Variants in TIMM9 observed in about 807,000 individuals in gnomAD.
TIMM9 encodes the protein translocase of inner mitochondrial membrane 9.
TIMM9 carries 10 observed loss-of-function variants against 13.4 expected under a neutral mutation model. The ratio of observed to expected loss-of-function variants is 0.75; its 90% CI spans 0.46 to 1.26. The LOEUF (loss-of-function observed/expected upper bound fraction) is 1.26. TIMM9 is among the 50% of genes most tolerant of loss of function. The pLI is 0.00. For synonymous variants in TIMM9, 32 were observed against 32.1 expected (o/e 1.00, Z 0.01); for missense variants, 87 against 100.8 (o/e 0.86, Z 0.58).
intron 3 of TIMM9, among the ~76,000 whole-genome samples, chr14:58,421,047 C>T (rs2036576347): frequency 6.6e-6 from 1 of 152,120 alleles, no homozygotes; most frequent in Non-Finnish European, 1.5e-5. Context: ...TTTGTGTTCA[C>T]AGGAAATCCT....
intron 5 of TIMM9, among the ~76,000 whole-genome samples, chr14:58,409,461 C>T (rs932816266): frequency 1.3e-5 from 2 of 152,168 alleles, no homozygotes; most frequent in Admixed American, 1.3e-4. Flanking sequence ...AGTGAAAGCC[C>T]ACATTCCTGT....
intron 3 of TIMM9, among the ~76,000 whole-genome samples, chr14:58,416,227 C>CAAAT (rs541538164): frequency 9.9e-5 from 15 of 151,070 alleles, no homozygotes; most frequent in Admixed American, 4.0e-4. Context: ...GACTCTGTAG[C>CAAAT]AAATAAATAA....
At chr14:58,426,232 GTCTTGA>G (rs2036785058) in intron 2 of TIMM9, among the ~76,000 whole-genome samples, 1 of 150,224 alleles carries the variant, frequency 6.7e-6, no homozygotes, top group African/African-American at 2.4e-5. Context: ...TTTTAAGACA[GTCTTGA>G]TCTGTCACTC....
chr14:58,417,077 A>G (rs955255742), intron 3 of TIMM9, among the ~76,000 whole-genome samples: 1 of 152,156 alleles, frequency 6.6e-6, no homozygotes, highest in Non-Finnish European at 1.5e-5. Context: ...GGTTTTATCA[A>G]GAGGAGATCC....
chr14:58,427,290 G>A, intron 1 of TIMM9, 48 bp from the exon 2 acceptor site: 1 of 280,842 alleles, frequency 3.6e-6, no homozygotes, highest in Non-Finnish European at 6.9e-6. Context: ...ATCTCCTAAG[G>A]ATTAACTTCG....
At chr14:58,410,971 G>T in intron 4 of TIMM9, 33 bp from the exon 5 acceptor site, 7 of 1,514,490 alleles carry the variant, frequency 4.6e-6, no homozygotes, top group South Asian at 1.2e-5. Flanking sequence ...TTTAGTATTT[G>T]GTTTTTAAAA....
Position 58,408,996 on chromosome 14 carries a change from G to A in TIMM9, c.*38C>T, listed in dbSNP as rs763526438. On this transcript the variant is annotated 3_prime_UTR_variant, in exon 6 of 6. Coordinates refer to ENST00000395159, the MANE Select transcript of TIMM9 (RefSeq NM_012460.4). ...CCTCATTTCCAATAAAGCAGCTGTT[G>A]GCAATCTTTCATCAAAAGTTCATCC... The A allele has an allele frequency of 3.8e-6, 6 of 1,591,678 alleles. No individual in the cohort carries two copies. In the East Asian group the frequency reaches 1.4e-4, roughly 36 times the overall value.
rs149627581 is a variant in TIMM9, at chr14:58,418,992, A to T, written c.-27+5016T>A. 2.1e-3 allele frequency among the ~76,000 whole-genome samples: 323 copies of T among 152,308 alleles called. 3 individuals are homozygous for T. The highest frequency in any genetic ancestry group is 0.01 in the Middle Eastern group (3 of 294). On this transcript the variant is annotated intron_variant, in intron 3 of 5. Transcript: ENST00000395159. The stretch of plus-strand genomic sequence containing the variant: ...AATTTATATAAAAAGCAAAGGGACC[A>T]GAATAGCTAAAACAAATTTGAAAAA...
In TIMM9 at chr14:58,411,923, G is replaced by A; in HGVS notation, c.23C>T (p.Ser8Phe). The change falls in exon 4 of 6, where the codon TCT (serine) becomes TTT (phenylalanine). Residue 8 changes from serine (S) to phenylalanine (F), a missense_variant. By Grantham distance (155) the Ser-to-Phe change is radical. Coordinates refer to ENST00000395159, the MANE Select transcript of TIMM9 (RefSeq NM_012460.4). Reference protein sequence around the residue: MAAQIPESDQIKQFKEFL... With the variant: MAAQIPEFDQIKQFKEFL... ...ATACCTTACCTGTTTTATCTGATCA[G>A]ATTCTGGTATTTGTGCAGCCATATT... 1 of 1,613,836 alleles carries A rather than the reference G, an allele frequency of 6.2e-7. No individual in the cohort carries two copies. Among genetic ancestry groups the A allele is most frequent in the Non-Finnish European group, 8.5e-7 (1 of 1,179,806 alleles).
intron 3 of TIMM9, among the ~76,000 whole-genome samples, chr14:58,414,007 A>AG (rs1425921238): frequency 4.3e-5 from 6 of 138,390 alleles, no homozygotes; most frequent in African/African-American, 1.7e-4. Context: ...ATTCCGTCTC[A>AG]GAAAAAAAAA....
intron 5 of TIMM9, among the ~76,000 whole-genome samples, chr14:58,409,680 G>A (rs2036148241): frequency 6.6e-6 from 1 of 152,046 alleles, no homozygotes; most frequent in Admixed American, 6.6e-5. Flanking sequence ...CTGAGTTCAC[G>A]CCATTCTCCT....
intron 3 of TIMM9, among the ~76,000 whole-genome samples, chr14:58,421,398 C>A (rs2036584272): frequency 6.6e-6 from 1 of 152,062 alleles, no homozygotes; most frequent in South Asian, 2.1e-4. Flanking sequence ...AACACAAGAC[C>A]TTTGTAATAG....
intron 3 of TIMM9, among the ~76,000 whole-genome samples, chr14:58,416,668 T>C (rs2036418867): frequency 6.6e-6 from 1 of 152,254 alleles, no homozygotes; most frequent in Non-Finnish European, 1.5e-5. Context: ...GCAAAAATTA[T>C]AAAACCATCT....
In TIMM9 at chr14:58,408,839, A is replaced by G. The variant is rs578013996; in HGVS notation, c.*195T>C. On this transcript the variant is annotated 3_prime_UTR_variant, in exon 6 of 6. Coordinates refer to ENST00000395159, the MANE Select transcript of TIMM9 (RefSeq NM_012460.4). ...TTGCATCTTATTATTTCACTGAACA[A>G]TAAGACCTTCTATTGTGATTATTCC... 3 of 799,452 alleles carry G rather than the reference A, an allele frequency of 3.8e-6. No individual in the cohort carries two copies. The highest frequency in any genetic ancestry group is 2.0e-5 in the South Asian group (1 of 49,544). 49.5% of individuals were successfully genotyped at this position (799,452 alleles called of 1,614,324 possible).
chr14:58,423,107 AT>A (rs994524742), intron 3 of TIMM9, among the ~76,000 whole-genome samples: 10 of 151,900 alleles, frequency 6.6e-5, no homozygotes, highest in African/African-American at 2.4e-4. Context: ...ACCCAGACCA[AT>A]TTGGTATTTT....
At chr14:58,414,290 T>C (rs1055887452) in intron 3 of TIMM9, among the ~76,000 whole-genome samples, 4 of 152,238 alleles carry the variant, frequency 2.6e-5, no homozygotes, top group African/African-American at 9.6e-5. Context: ...TCGTTGAAAC[T>C]AGTAGTAAAT....
chr14:58,408,632 C>T lies in TIMM9; in HGVS notation c.*402G>A, dbSNP rs1566744879. 2.0e-6 allele frequency: 3 copies of T among 1,523,938 alleles called. No individual in the cohort carries two copies. The highest frequency in any genetic ancestry group is 2.3e-5 in the East Asian group (1 of 43,892). 94.4% of individuals were successfully genotyped at this position (1,523,938 alleles called of 1,614,324 possible). On this transcript the variant is annotated 3_prime_UTR_variant, in exon 6 of 6. Coordinates refer to ENST00000395159, the MANE Select transcript of TIMM9 (RefSeq NM_012460.4). ...CCAGTGAGAATACTATGGTACCATACAGTATAAACAACTGCTCAGTGATAT... is the reference window on the plus strand; with the variant it reads ...CCAGTGAGAATACTATGGTACCATATAGTATAAACAACTGCTCAGTGATAT...
Position 58,409,062 on chromosome 14 carries a change from T to G in TIMM9, c.242A>C (p.Lys81Thr). 1 of 1,613,928 alleles carries G rather than the reference T, an allele frequency of 6.2e-7. No homozygotes were observed. ...HIQQNEALAA[K>T]AGLLGQPR ...TCGTGGTTGGCCAAGGAGTCCTGCT[T>G]TGGCTGCCAGGGCTTCATTCTGCTG... Residue 81 changes from lysine (K) to threonine (T), a missense_variant, in exon 6 of 6, where the codon AAA (lysine) becomes ACA (threonine). By Grantham distance (78) the Lys-to-Thr change is moderately conservative. Transcript: ENST00000395159.
Position 58,408,723 on chromosome 14 carries a change from G to A in TIMM9, c.*311C>T. The A allele has an allele frequency of 1.2e-6, 1 of 816,220 alleles. No homozygotes were observed. The highest frequency in any genetic ancestry group is 2.1e-5 in the South Asian group (1 of 47,974). The allele number at this position is 816,220 out of a possible 1,614,324, so 50.6% of individuals were successfully genotyped here. On this transcript the variant is annotated 3_prime_UTR_variant, in exon 6 of 6. Coordinates refer to ENST00000395159, the MANE Select transcript of TIMM9 (RefSeq NM_012460.4). ...TCATACATGATCGAACACATAAGTT[G>A]CTTTAAAATTAACAGTCACAATTGA...
Sources: allele counts gnomAD v4.1 joint callset (sites outside exome capture counted in the v4.1 genomes callset), GRCh38; gene constraint gnomAD v4.1.1; transcripts MANE v1.5; gene names NCBI Gene and HGNC (gene_info 2026-07-23, HGNC 2026-07-21).